Variants in TRIO observed in about 807,000 individuals in gnomAD.
TRIO encodes the protein trio Rho guanine nucleotide exchange factor, also known as triple functional domain protein.
Under a neutral mutation model 351.9 loss-of-function variants are expected in TRIO, and 58 were observed. The observed-to-expected ratio is 0.16, with a 90% CI of 0.13 to 0.21. The LOEUF (loss-of-function observed/expected upper bound fraction) is 0.21, where lower values mean the gene tolerates loss of function less well. TRIO is among the 10% of genes least tolerant of loss of function. TRIO has a pLI of 1.00. For synonymous variants in TRIO, 1,758 were observed against 1,595.7 expected, an observed-to-expected ratio of 1.10 and a Z score of -2.42; for missense variants, 3,201 against 4,027.8, an observed-to-expected ratio of 0.79 and a Z score of 5.56.
rs75667522 is a variant in TRIO, at chr5:14,226,625, A to G, written c.158-44200A>G. On this transcript the variant is annotated intron_variant, in intron 1 of 56. Transcript: ENST00000344204. ...AAATTATGCATTTATAAGAGGCTGT[A>G]AGACATGGAATTTCTAATAATCACA... 2.2e-3 allele frequency among the ~76,000 whole-genome samples: 329 copies of G among 152,376 alleles called. 5 individuals carry two copies. In the East Asian group the frequency reaches 0.053, roughly 25 times the overall value.
At chr5:14,189,750 G>A (rs1790346700) in intron 1 of TRIO, among the ~76,000 whole-genome samples, 1 of 151,544 alleles carries the variant, frequency 6.6e-6, no homozygotes, top group Admixed American at 6.6e-5. Context: ...TTTCAAGATG[G>A]GGTGAGGTCT....
chr5:14,165,981 T>C (rs757721226), intron 1 of TRIO, among the ~76,000 whole-genome samples: 8 of 152,280 alleles, frequency 5.3e-5, no homozygotes, highest in Non-Finnish European at 4.4e-5. Flanking sequence ...AGCTCCTCTT[T>C]TTCTCATTTC....
intron 1 of TRIO, among the ~76,000 whole-genome samples, chr5:14,267,909 G>T (rs1795777776): frequency 1.3e-5 from 2 of 152,036 alleles, no homozygotes; most frequent in African/African-American, 2.4e-5. Context: ...TTAATTGATG[G>T]TTTAAATAAA....
chr5:14,210,222 T>C (rs979424324), intron 1 of TRIO, among the ~76,000 whole-genome samples: 6 of 152,158 alleles, frequency 3.9e-5, no homozygotes, highest in Non-Finnish European at 7.3e-5. Flanking sequence ...AAGTGTGAAA[T>C]GGCATGAAAT....
In TRIO at chr5:14,272,943, T is replaced by G. The variant is rs574945179; in HGVS notation, c.232+2044T>G. Among the ~76,000 whole-genome samples the G allele has an allele frequency of 1.8e-4, 28 of 152,350 alleles. No homozygotes were observed. In the South Asian group the frequency reaches 4.8e-3, roughly 26 times the overall value. On this transcript the variant is annotated intron_variant, in intron 2 of 56. Transcript: ENST00000344204. ...TATCTCTAACTCATTTTTTTGTTTC[T>G]TTTTTATTGAAATCTAATTCACATA...
intron 34 of TRIO, among the ~76,000 whole-genome samples, chr5:14,448,083 A>G (rs959475305): frequency 6.6e-6 from 1 of 152,270 alleles, no homozygotes; most frequent in Non-Finnish European, 1.5e-5. Flanking sequence ...AGTCAGCAGT[A>G]CACAAAATAA....
intron 1 of TRIO, among the ~76,000 whole-genome samples, chr5:14,241,341 G>C (rs1461940536): frequency 3.3e-5 from 5 of 152,162 alleles, no homozygotes; most frequent in Admixed American, 1.3e-4. Flanking sequence ...GGGGAAATGA[G>C]GTAGAAATTA....
chr5:14,393,168 C>T (rs1177058988), intron 27 of TRIO, among the ~76,000 whole-genome samples: 1 of 150,820 alleles, frequency 6.6e-6, no homozygotes, highest in Non-Finnish European at 1.5e-5. Context: ...ACCACATGTT[C>T]TTACTCATAA....
chr5:14,302,903 C>G (rs1181052217), intron 7 of TRIO, among the ~76,000 whole-genome samples: 1 of 152,240 alleles, frequency 6.6e-6, no homozygotes, highest in Non-Finnish European at 1.5e-5. Context: ...TCCGCACTTG[C>G]CTTTCACTCT....
chr5:14,265,356 T>G (rs1194654831), intron 1 of TRIO, among the ~76,000 whole-genome samples: 1 of 150,094 alleles, frequency 6.7e-6, no homozygotes, highest in Non-Finnish European at 1.5e-5. Context: ...ATTTGAAGAT[T>G]AGGTAAAATT....
chr5:14,365,045 A>T (rs1434402116), intron 15 of TRIO, among the ~76,000 whole-genome samples: 1 of 152,138 alleles, frequency 6.6e-6, no homozygotes, highest in Non-Finnish European at 1.5e-5. Context: ...CTGGCTGTTC[A>T]CCCAGCACAG....
intron 12 of TRIO, 31 bp from the exon 13 acceptor site, chr5:14,359,325 TC>T: frequency 6.3e-7 from 1 of 1,594,642 alleles, no homozygotes; most frequent in South Asian, 1.1e-5. Context: ...GACTTTCTCA[TC>T]CAATTCCTGT....
chr5:14,164,018 T>C (rs1220888128), intron 1 of TRIO, among the ~76,000 whole-genome samples: 1 of 152,170 alleles, frequency 6.6e-6, no homozygotes, highest in Admixed American at 6.5e-5. Flanking sequence ...AGTGAGCACT[T>C]TCTTTGACTC....
At position 14,270,879 on chromosome 5, in the gene TRIO, A is replaced by C; in HGVS notation, c.212A>C (p.Glu71Ala). 7.4e-6 allele frequency: 12 copies of C among 1,613,876 alleles called. No individual in the cohort carries two copies. Among genetic ancestry groups the C allele is most frequent in the Non-Finnish European group, 1.0e-5 (12 of 1,179,810 alleles). Residue 71 changes from glutamate to alanine, a missense_variant, in exon 2 of 57, where the codon GAA (glutamate) becomes GCA (alanine). Physicochemically the swap from Glu to Ala is moderately radical, Grantham distance 107 (BLOSUM62 -1). Around this residue, in one of 19 missense-constraint regions of TRIO, gnomAD observed 109 missense variants for 134.6 expected, o/e 0.81. Coordinates refer to ENST00000344204, the MANE Select transcript of TRIO (RefSeq NM_007118.4). ...KAMDVLPILK[E>A]KVAYLSGGRD... ...ATGGATGTTTTACCAATTTTGAAGG[A>C]AAAAGTTGCATACCTTTCAGGTAAA...
chr5:14,206,411 A>G (rs767404077), intron 1 of TRIO, among the ~76,000 whole-genome samples: 27 of 152,364 alleles, frequency 1.8e-4, no homozygotes, highest in South Asian at 8.3e-4. Context: ...AACTAAGCAT[A>G]CTGCTTAATT....
intron 1 of TRIO, among the ~76,000 whole-genome samples, chr5:14,255,739 T>G (rs1208999387): frequency 6.6e-6 from 1 of 152,212 alleles, no homozygotes; most frequent in Non-Finnish European, 1.5e-5. Context: ...TTTTAAATAA[T>G]TTTGTACATA....
intron 9 of TRIO, among the ~76,000 whole-genome samples, chr5:14,329,992 T>G (rs900447356): frequency 3.9e-5 from 6 of 152,216 alleles, no homozygotes; most frequent in Non-Finnish European, 8.8e-5. Context: ...ACTTATTTTT[T>G]AAAACCACAT....
intron 34 of TRIO, among the ~76,000 whole-genome samples, chr5:14,460,364 G>T (rs779163051): frequency 1.5e-4 from 23 of 152,188 alleles, no homozygotes; most frequent in Non-Finnish European, 2.8e-4. Flanking sequence ...GCTGAGGGCC[G>T]CTCCTCCGAG....
intron 1 of TRIO, among the ~76,000 whole-genome samples, chr5:14,257,379 A>G (rs1047784315): frequency 2.0e-5 from 3 of 152,250 alleles, no homozygotes; most frequent in African/African-American, 7.2e-5. Context: ...AGACAGGTTA[A>G]TCGAAGCTTT....
Sources: allele counts gnomAD v4.1 joint callset (sites outside exome capture counted in the v4.1 genomes callset), GRCh38; gene constraint gnomAD v4.1.1; regional missense constraint gnomAD v4.1.1; transcripts MANE v1.5; gene names NCBI Gene and HGNC (gene_info 2026-07-23, HGNC 2026-07-21).